The following RELB variants were observed in gnomAD, a reference collection of about 807,000 sequenced individuals.
RELB encodes transcription factor RelB.
A neutral mutation model predicts 55.4 loss-of-function variants in RELB; 14 were observed. The ratio of observed to expected loss-of-function variants is 0.25; its 90% CI spans 0.17 to 0.40. The LOEUF is 0.40. Among genes scored for constraint, RELB ranks in the 10% least tolerant of loss-of-function variants. The pLI, the probability that RELB is intolerant of heterozygous loss-of-function variation, is 1.00. For synonymous variants in RELB, 409 were observed against 371.3 expected, an observed-to-expected ratio of 1.10 and a Z score of -1.17; for missense variants, 669 against 830.7, an observed-to-expected ratio of 0.81 and a Z score of 2.39.
chr19:45,008,213 A>G (rs1971307379), intron 2 of RELB, among the ~76,000 whole-genome samples: 1 of 151,992 alleles, frequency 6.6e-6, no homozygotes, highest in African/African-American at 2.4e-5. Flanking sequence ...AAAATATTAA[A>G]TAAAAGTATC....
chr19:45,004,935 C>T (rs570251614), intron 2 of RELB, among the ~76,000 whole-genome samples: 1 of 151,666 alleles, frequency 6.6e-6, no homozygotes, highest in Non-Finnish European at 1.5e-5. Flanking sequence ...TTTGGGAGGT[C>T]GAGACAGGCA....
intron 4 of RELB, among the ~76,000 whole-genome samples, chr19:45,012,989 A>G (rs144517084): frequency 1.2e-3 from 187 of 152,016 alleles, no homozygotes; most frequent in African/African-American, 4.1e-3. Flanking sequence ...GGTCAAGGCT[A>G]CAGTGAGCCA....
rs765126283 is a variant in RELB at position 45,028,982 on chromosome 19, G to A, written c.981G>A (p.Lys327=). The part of the protein sequence containing the change: ...GGEELYLLCD[K]VQKEDISVVF... Reference sequence around the variant, plus strand: ...AGGAGCTCTACTTGCTCTGCGACAAGGTGCAGAAAGGTGAGGGGCCTGGGG... The same window carrying A: ...AGGAGCTCTACTTGCTCTGCGACAAAGTGCAGAAAGGTGAGGGGCCTGGGG... Residue 327 remains lysine, a synonymous_variant, in exon 8 of 12, where the codon AAG becomes AAA. Transcript: ENST00000221452. 6 of 1,579,056 alleles carry A rather than the reference G, an allele frequency of 3.8e-6. No individual in the cohort carries two copies. Among genetic ancestry groups the A allele is most frequent in the Non-Finnish European group, 5.2e-6 (6 of 1,163,216 alleles).
intron 3 of RELB, among the ~76,000 whole-genome samples, 180 bp from the exon 4 acceptor site, chr19:45,011,756 C>CTGCGTGTGTGTG (rs1555725565): frequency 5.0e-5 from 3 of 59,896 alleles, no homozygotes; most frequent in African/African-American, 1.9e-4. Flanking sequence ...CTCCCTGACT[C>CTGCGTGTGTGTG]TGTGTGTGTG....
In RELB at chr19:45,037,643, T is replaced by A. The variant is rs761067055; in HGVS notation, c.1593T>A (p.Pro531=). ...AGAVVGETPG[P]EPLTLDSYQA... is the part of the protein sequence containing the mutation. ...CCGTGGTTGGGGAGACCCCCGGCCC[T>A]GAACCACTGACACTGGACTCGTACC... The change falls in exon 12 of 12, where the codon CCT becomes CCA. Residue 531 remains proline, a synonymous_variant. Coordinates refer to ENST00000221452, the MANE Select transcript of RELB (RefSeq NM_006509.4). 6.3e-7 allele frequency: 1 copy of A among 1,598,958 alleles called. No individual in the cohort carries two copies. The highest frequency in any genetic ancestry group is 1.7e-5 in the Admixed American group (1 of 57,568).
intron 2 of RELB, among the ~76,000 whole-genome samples, chr19:45,005,700 T>G (rs1258092519): frequency 6.6e-6 from 1 of 152,144 alleles, no homozygotes; most frequent in African/African-American, 2.4e-5. Context: ...GCCTCCCAGG[T>G]TCAAGTGATT....
At chr19:45,034,611 C>A in intron 11 of RELB, 83 bp downstream of exon 11, 3 of 1,214,320 alleles carry the variant, frequency 2.5e-6, no homozygotes, top group Middle Eastern at 2.5e-4. Flanking sequence ...CCTCTTCACG[C>A]CCTCCAAGAG....
chr19:45,014,510 T>G lies in RELB; in HGVS notation c.504+2234T>G, dbSNP rs915433122. Among the ~76,000 whole-genome samples the G allele has an allele frequency of 1.9e-5, 2 of 103,550 alleles. 1 individual carries two copies. Among genetic ancestry groups the G allele is most frequent in the South Asian group, 5.8e-4 (2 of 3,454 alleles). 67.9% of individuals were successfully genotyped at this position (103,550 alleles called of 152,430 possible). ...CCCAGGCAGTTATTCTGGCTCAGAG[T>G]TTTTTTTTGTTTTTTGGTTTTTTTT... On this transcript the variant is annotated intron_variant, in intron 4 of 11. Coordinates refer to ENST00000221452, the MANE Select transcript of RELB (RefSeq NM_006509.4).
intron 11 of RELB, 100 bp from the exon 12 acceptor site, chr19:45,037,305 C>T: frequency 2.3e-6 from 3 of 1,290,164 alleles, no homozygotes; most frequent in South Asian, 3.2e-5. Context: ...AAAAGGCCAC[C>T]TTGATATCAC....
At chr19:45,025,282 C>G in intron 5 of RELB, 47 bp from the exon 6 acceptor site, 1 of 1,395,356 alleles carries the variant, frequency 7.2e-7, no homozygotes, top group Non-Finnish European at 1.0e-6. Flanking sequence ...TAGGGCCACA[C>G]TTGCCTGCTC....
At chr19:45,025,798 G>C (rs1218193578) in intron 7 of RELB, 61 bp downstream of exon 7, 1 of 1,601,962 alleles carries the variant, frequency 6.2e-7, no homozygotes, top group African/African-American at 1.3e-5. Flanking sequence ...AGAATGTCCC[G>C]CTTACAGAGG....
At chr19:45,032,434 A>G in intron 8 of RELB, 100 bp from the exon 9 acceptor site, 6 of 1,005,470 alleles carry the variant, frequency 6.0e-6, no homozygotes, top group Non-Finnish European at 8.9e-6. Flanking sequence ...AAATTTTAAA[A>G]AGGGGGAATA....
chr19:45,037,081 C>T (rs2122501489), intron 11 of RELB, among the ~76,000 whole-genome samples: 1 of 152,166 alleles, frequency 6.6e-6, no homozygotes, highest in East Asian at 1.9e-4. Flanking sequence ...GAGTTCGAGA[C>T]CAGCCTGGCA....
At chr19:45,027,093 C>G (rs34583389) in intron 7 of RELB, among the ~76,000 whole-genome samples, 1 of 151,634 alleles carries the variant, frequency 6.6e-6, no homozygotes, top group East Asian at 1.9e-4. Flanking sequence ...ATTAGCCGGG[C>G]GTCGTGGCGG....
At chr19:45,002,437 C>T (rs1447257855) in intron 1 of RELB, among the ~76,000 whole-genome samples, 4 of 152,202 alleles carry the variant, frequency 2.6e-5, no homozygotes, top group Non-Finnish European at 4.4e-5. Flanking sequence ...ACTGCAACCT[C>T]TGCCTCCCGG....
At chr19:45,016,789 G>A (rs1032632068) in intron 4 of RELB, among the ~76,000 whole-genome samples, 4 of 152,156 alleles carry the variant, frequency 2.6e-5, no homozygotes, top group Non-Finnish European at 5.9e-5. Flanking sequence ...TCTGGGAGGC[G>A]GAGGTTGCAG....
In RELB at chr19:45,034,512, G is replaced by A; in HGVS notation, c.1338G>A (p.Leu446=). 1 of 1,604,680 alleles carries A rather than the reference G, an allele frequency of 6.2e-7. No homozygotes were observed. Among genetic ancestry groups the A allele is most frequent in the South Asian group, 1.1e-5 (1 of 89,268 alleles). Residue 446 remains leucine (L), a synonymous_variant, in exon 11 of 12, where the codon CTG becomes CTA. Coordinates refer to ENST00000221452, the MANE Select transcript of RELB (RefSeq NM_006509.4). ...KKKPAILDHF[L]PNHGSGPFLP... The stretch of plus-strand genomic sequence containing the variant: ...AGCCGGCCATCCTGGACCACTTCCT[G>A]CCCAACCACGGCTCAGGTGGGTCCC...
chr19:45,035,616 AAG>A (rs1297030708), intron 11 of RELB, among the ~76,000 whole-genome samples: 1 of 152,116 alleles, frequency 6.6e-6, no homozygotes, highest in African/African-American at 2.4e-5. Flanking sequence ...TCACGAGGTG[AAG>A]AGAGAGAGAC....
intron 5 of RELB, 138 bp from the exon 6 acceptor site, chr19:45,025,191 T>C (rs1307250196): frequency 9.1e-6 from 6 of 659,108 alleles, no homozygotes; most frequent in Non-Finnish European, 1.4e-5. Flanking sequence ...CCGTTTCTAA[T>C]GCTGGGACCC....
Sources: gnomAD v4.1 joint callset for allele counts (sites outside exome capture counted in the v4.1 genomes callset) on GRCh38, gnomAD v4.1.1 for gene constraint, MANE v1.5 for transcripts, NCBI Gene and HGNC (gene_info 2026-07-23, HGNC 2026-07-21) for gene names.